ZNF775: variants seen among roughly 807,000 people sequenced by gnomAD.
ZNF775 encodes the protein zinc finger protein 775.
ZNF775 carries 1 observed loss-of-function variant against 2.4 expected under a neutral mutation model. The observed-to-expected ratio is 0.41, with a 90% confidence interval of 0.15 to 1.94. The LOEUF is 1.94. ZNF775 is among the 30% of genes most tolerant of loss of function. The pLI, the probability that ZNF775 is intolerant of heterozygous loss-of-function variation, is 0.30. For synonymous variants in ZNF775, 381 were observed against 373.3 expected, an observed-to-expected ratio of 1.02 and a Z score of -0.24; for missense variants, 823 against 826.6, an observed-to-expected ratio of 1.00 and a Z score of 0.05.
intron 1 of ZNF775, 49 bp from the exon 2 acceptor site, chr7:150,388,372 GT>G: frequency 1.4e-6 from 2 of 1,458,220 alleles, no homozygotes; most frequent in Non-Finnish European, 1.9e-6. Context: ...CCTGAGTTTT[GT>G]CCTTGTCCCA....
At chr7:150,381,100 G>T (rs997533441) in intron 1 of ZNF775, among the ~76,000 whole-genome samples, 1 of 152,110 alleles carries the variant, frequency 6.6e-6, no homozygotes, top group Non-Finnish European at 1.5e-5. Flanking sequence ...GCCCTGACAG[G>T]TTCCTGAATA....
Position 150,397,514 on chromosome 7 carries a change from G to T in ZNF775, c.1033G>T (p.Gly345Cys). 2 of 1,566,752 alleles carry T rather than the reference G, an allele frequency of 1.3e-6. No homozygotes were observed. Among genetic ancestry groups the T allele is most frequent in the Non-Finnish European group, 1.7e-6 (2 of 1,163,676 alleles). The change falls in exon 3 of 3, where the codon GGC (glycine) becomes TGC (cysteine). Residue 345 changes from glycine (G) to cysteine (C), a missense_variant. Physicochemically the swap from Gly to Cys is radical, Grantham distance 159. Coordinates refer to ENST00000329630, the MANE Select transcript of ZNF775 (RefSeq NM_173680.4). ...GCACCCCTGCCCGCACTGTGGCCGC[G>T]GCTTCCGCCAGAAGCAGCACCTGCT... ...RPHPCPHCGR[G>C]FRQKQHLLKH...
intron 1 of ZNF775, among the ~76,000 whole-genome samples, chr7:150,381,421 A>G (rs2129620777): frequency 6.6e-6 from 1 of 152,246 alleles, no homozygotes; most frequent in African/African-American, 2.4e-5. Context: ...GGCTGTTCAT[A>G]CCCTGAGGTA....
At chr7:150,388,324 AAG>A (rs1800490725) in intron 1 of ZNF775, 96 bp from the exon 2 acceptor site, 2 of 903,172 alleles carry the variant, frequency 2.2e-6, no homozygotes, top group East Asian at 2.7e-5. Flanking sequence ...CTCTTTGGAA[AAG>A]AGAGTGCTTT....
rs1800670093 is a variant in ZNF775, at chr7:150,396,916, C to T, written c.435C>T (p.Ser145=). 1.2e-6 allele frequency: 2 copies of T among 1,602,136 alleles called. No homozygotes were observed. The highest frequency in any genetic ancestry group is 1.7e-6 in the Non-Finnish European group (2 of 1,179,700). ...YLCGKCGKSF[S]QKPNLARHQR... Reference sequence around the variant, plus strand: ...GCGGCAAGTGCGGCAAGAGCTTCAGCCAGAAGCCGAACCTGGCGCGCCACC... The same window carrying T: ...GCGGCAAGTGCGGCAAGAGCTTCAGTCAGAAGCCGAACCTGGCGCGCCACC... The change falls in exon 3 of 3, where the codon AGC becomes AGT. Residue 145 remains serine (S), a synonymous_variant. Coordinates refer to ENST00000329630, the MANE Select transcript of ZNF775 (RefSeq NM_173680.4).
rs1800667234 is a variant in ZNF775, at chr7:150,396,826, G to T, written c.345G>T (p.Arg115Ser). The change falls in exon 3 of 3, where the codon AGG (arginine) becomes AGT (serine). Residue 115 changes from arginine (R) to serine (S), a missense_variant. Transcript: ENST00000329630. Reference protein sequence around the residue: ...GHFVCLDCGKRFSWWSSLKIH... With the variant: ...GHFVCLDCGKSFSWWSSLKIH... ...TTGTATGCCTGGACTGCGGGAAGAG[G>T]TTCAGCTGGTGGTCGTCCCTGAAGA... 3.7e-6 allele frequency: 6 copies of T among 1,601,382 alleles called. No homozygotes were observed. Among genetic ancestry groups the T allele is most frequent in the Non-Finnish European group, 5.1e-6 (6 of 1,178,076 alleles).
intron 2 of ZNF775, among the ~76,000 whole-genome samples, chr7:150,391,598 T>C (rs1800559062): frequency 6.6e-6 from 1 of 152,014 alleles, no homozygotes. Context: ...TTTCAAGTGC[T>C]CAGTAACCAC....
chr7:150,393,545 T>C (rs55988243), intron 2 of ZNF775, among the ~76,000 whole-genome samples: 68,056 of 152,042 alleles, frequency 0.45, 15,412 homozygotes, highest in Admixed American at 0.5. Context: ...ACTGCTGAAC[T>C]GCCTTCCAGA....
intron 2 of ZNF775, among the ~76,000 whole-genome samples, chr7:150,393,120 C>T (rs144514111): frequency 2.0e-4 from 31 of 152,008 alleles, no homozygotes; most frequent in African/African-American, 7.0e-4. Context: ...CCCCAAGTTC[C>T]CTGTGCTCCG....
Position 150,398,113 on chromosome 7 carries a change from G to A in ZNF775, c.*18G>A. The A allele has an allele frequency of 6.5e-7, 1 of 1,538,096 alleles. No homozygotes were observed. Among genetic ancestry groups the A allele is most frequent in the Non-Finnish European group, 8.7e-7 (1 of 1,147,048 alleles). On this transcript the variant is annotated 3_prime_UTR_variant, in exon 3 of 3. Transcript: ENST00000329630. Reference sequence around the variant, plus strand: ...CGCGCTAGTGGACTGGACCTCAGCGGACCCGTGGTGGTGCGGGGGATGTTT... The same window carrying A: ...CGCGCTAGTGGACTGGACCTCAGCGAACCCGTGGTGGTGCGGGGGATGTTT...
chr7:150,389,246 C>T (rs1800513029), intron 2 of ZNF775, among the ~76,000 whole-genome samples: 1 of 152,230 alleles, frequency 6.6e-6, no homozygotes, highest in Admixed American at 6.5e-5. Context: ...GGTTTCTTTA[C>T]CTCCCTCTCC....
rs945705658 is a variant in ZNF775 at position 150,397,212 on chromosome 7, C to T, written c.731C>T (p.Pro244Leu). ...GCCTGTCGCCTGCAGCCGGGGCCGC[C>T]GCGGGGGCGCCCCGAGTGGGCCTGG... ...RRACRLQPGP[P>L]RGRPEWAWLG... The change falls in exon 3 of 3, where the codon CCG (proline) becomes CTG (leucine). Residue 244 changes from proline (P) to leucine (L), a missense_variant. Pro to Leu is a moderately conservative substitution (Grantham distance 98, BLOSUM62 -3). Coordinates refer to ENST00000329630, the MANE Select transcript of ZNF775 (RefSeq NM_173680.4). 53 of 1,108,066 alleles carry T rather than the reference C, an allele frequency of 4.8e-5. No homozygotes were observed. The highest frequency in any genetic ancestry group is 4.7e-4 in the Admixed American group (9 of 19,266). The allele number at this position is 1,108,066 out of a possible 1,614,324, so 68.6% of individuals were successfully genotyped here. A position where few individuals can be genotyped will look rare whatever the true frequency, so the allele number is the denominator to read the frequency against.
chr7:150,392,391 A>G (rs1310679778), intron 2 of ZNF775, among the ~76,000 whole-genome samples: 1 of 152,176 alleles, frequency 6.6e-6, no homozygotes, highest in Non-Finnish European at 1.5e-5. Flanking sequence ...TAATGATTAT[A>G]TTTAGCATTT....
At chr7:150,388,647 C>G in intron 2 of ZNF775, 146 bp downstream of exon 2, 2 of 941,160 alleles carry the variant, frequency 2.1e-6, no homozygotes, top group Non-Finnish European at 3.3e-6. Context: ...GGGTGGGGAC[C>G]AGGACTTAGA....
At position 150,397,615 on chromosome 7, in the gene ZNF775, C is replaced by T. The variant is rs1339120604; in HGVS notation, c.1134C>T (p.Arg378=). Residue 378 remains arginine, a synonymous_variant, in exon 3 of 3, where the codon CGC becomes CGT. Coordinates refer to ENST00000329630, the MANE Select transcript of ZNF775 (RefSeq NM_173680.4). ...CPSCGKSCRS[R]AALRAHQRAH... ...GCTGCGGTAAGAGCTGCCGCAGCCG[C>T]GCCGCGCTGCGCGCCCACCAGCGCG... The T allele has an allele frequency of 4.4e-6, 6 of 1,378,836 alleles. No individual in the cohort carries two copies. Among genetic ancestry groups the T allele is most frequent in the African/African-American group, 3.1e-5 (2 of 63,816 alleles). The allele number at this position is 1,378,836 out of a possible 1,614,324, so 85.4% of individuals were successfully genotyped here.
In ZNF775 at chr7:150,396,727, G is replaced by C. The variant is rs757699815; in HGVS notation, c.246G>C (p.Ala82=). 1.6e-5 allele frequency: 26 copies of C among 1,593,744 alleles called. No homozygotes were observed. The highest frequency in any genetic ancestry group is 8.5e-7 in the Non-Finnish European group (1 of 1,170,768). ...PRWAPPTEQD[A]GLAGRAPGSA... ...GGGCCCCTCCCACTGAGCAGGATGC[G>C]GGGCTGGCAGGCCGGGCTCCCGGGT... The change falls in exon 3 of 3, where the codon GCG becomes GCC. Residue 82 remains alanine (A), a synonymous_variant. Transcript: ENST00000329630.
chr7:150,380,851 A>G (rs867074084), intron 1 of ZNF775, among the ~76,000 whole-genome samples: 2 of 152,154 alleles, frequency 1.3e-5, no homozygotes, highest in Non-Finnish European at 2.9e-5. Flanking sequence ...TTGCACATTT[A>G]CTTCTCAGGA....
At chr7:150,386,838 C>A (rs909297839) in intron 1 of ZNF775, among the ~76,000 whole-genome samples, 1 of 152,196 alleles carries the variant, frequency 6.6e-6, no homozygotes, top group Admixed American at 6.5e-5. Context: ...GCATTTGTTA[C>A]GGGCCCTCTG....
Position 150,396,684 on chromosome 7 carries a change from A to C in ZNF775, c.203A>C (p.Glu68Ala). 1.2e-6 allele frequency: 2 copies of C among 1,607,680 alleles called. No homozygotes were observed. The highest frequency in any genetic ancestry group is 1.1e-5 in the South Asian group (1 of 89,982). ...CCTCGAGCCCTGGGGGGACAGGAGG[A>C]GTCTGGGAGTCCAAGGTGGGCCCCT... ...GRPRALGGQE[E>A]SGSPRWAPPT... The change falls in exon 3 of 3, where the codon GAG (glutamate) becomes GCG (alanine). Residue 68 changes from glutamate (E) to alanine (A), a missense_variant. Physicochemically the swap from Glu to Ala is moderately radical, Grantham distance 107. Coordinates refer to ENST00000329630, the MANE Select transcript of ZNF775 (RefSeq NM_173680.4).
Sources: allele counts gnomAD v4.1 joint callset (sites outside exome capture counted in the v4.1 genomes callset), GRCh38; gene constraint gnomAD v4.1.1; transcripts MANE v1.5; gene names NCBI Gene and HGNC (gene_info 2026-07-23, HGNC 2026-07-21).